The following DPP3 variants were observed in gnomAD, a reference collection of about 807,000 sequenced individuals.
DPP3 encodes the protein DPP III.
In DPP3, 64 loss-of-function variants were observed where a neutral mutation model predicts 89.8. The observed-to-expected ratio is 0.71, with a 90% CI of 0.58 to 0.88. The LOEUF (loss-of-function observed/expected upper bound fraction) is 0.88, where lower values mean the gene tolerates loss of function less well. DPP3 is among the 40% of genes least tolerant of loss of function. The pLI is 0.00. For missense variants in DPP3, 835 were observed against 972.5 expected (o/e 0.86, Z 1.88); for synonymous variants, 377 against 404.3 (o/e 0.93, Z 0.81).
At chr11:66,488,783 C>T (rs1238026557) in intron 6 of DPP3, among the ~76,000 whole-genome samples, 1 of 152,196 alleles carries the variant, frequency 6.6e-6, no homozygotes, top group Non-Finnish European at 1.5e-5. Context: ...ATCTCCACAT[C>T]CTCCCACTCA....
At chr11:66,482,821 C>T (rs1446195745) in intron 2 of DPP3, among the ~76,000 whole-genome samples, 1 of 152,194 alleles carries the variant, frequency 6.6e-6, no homozygotes, top group Non-Finnish European at 1.5e-5. Flanking sequence ...TCTTCTCTAC[C>T]ACACTGTGTG....
In DPP3 at chr11:66,491,353, G is replaced by A; in HGVS notation, c.768G>A (p.Gln256=). The change falls in exon 7 of 18, where the codon CAG becomes CAA. Residue 256 remains glutamine, a synonymous_variant. Transcript: ENST00000531863. ...VTRGDYAPIL[Q]KVVEQLEKAK... ...GGGGGGACTACGCGCCCATCCTCCA[G>A]AAGGTGGTGGAGCAGCTGGAGAAAG... is the stretch of plus-strand genomic sequence containing the variant. 6.2e-7 allele frequency: 1 copy of A among 1,614,006 alleles called. No individual in the cohort carries two copies. Among genetic ancestry groups the A allele is most frequent in the Non-Finnish European group, 8.5e-7 (1 of 1,179,990 alleles).
chr11:66,495,027 C>T (rs187810495), intron 12 of DPP3, among the ~76,000 whole-genome samples, 179 bp from the exon 13 acceptor site: 1 of 152,312 alleles, frequency 6.6e-6, no homozygotes, highest in African/African-American at 2.4e-5. Context: ...AGGAGGCAGC[C>T]AGCGTCACAG....
At chr11:66,481,989 T>C (rs1565264605) in intron 1 of DPP3, 3 of 686,900 alleles carry the variant, frequency 4.4e-6, no homozygotes, top group Non-Finnish European at 7.2e-6. Context: ...AGACCAAATA[T>C]GGTCCACCAG....
Position 66,491,633 on chromosome 11 carries a change from C to T in DPP3, c.929+9C>T, listed in dbSNP as rs370354834. 47 of 1,611,420 alleles carry T rather than the reference C, an allele frequency of 2.9e-5. No individual in the cohort carries two copies. Among genetic ancestry groups the T allele is most frequent in the Non-Finnish European group, 3.7e-5 (44 of 1,178,008 alleles). On this transcript the variant is annotated intron_variant, in intron 8 of 17. Coordinates refer to ENST00000531863, the MANE Select transcript of DPP3 (RefSeq NM_130443.4). ...GGCCCCATCGTGGAGAGGTGAGGCG[C>T]CAGCTCCACCCCACCTGCCCCCTCC...
chr11:66,493,698 C>T, intron 12 of DPP3, 65 bp downstream of exon 12: 1 of 1,503,012 alleles, frequency 6.7e-7, no homozygotes, highest in Non-Finnish European at 9.0e-7. Context: ...ACCTGCCCTA[C>T]CCAGCGGTGA....
intron 4 of DPP3, 125 bp downstream of exon 4, chr11:66,486,802 T>C: frequency 8.5e-7 from 1 of 1,180,680 alleles, no homozygotes; most frequent in South Asian, 2.0e-5. Context: ...GAGGCAATGC[T>C]GCTCCCCACT....
chr11:66,486,149 C>A (rs538998651), intron 3 of DPP3, among the ~76,000 whole-genome samples: 1 of 152,184 alleles, frequency 6.6e-6, no homozygotes, highest in Admixed American at 6.5e-5. Context: ...CACTGTGTTA[C>A]CCAAGCTGGT....
chr11:66,491,124 G>A, intron 6 of DPP3, 129 bp from the exon 7 acceptor site: 10 of 1,381,908 alleles, frequency 7.2e-6, no homozygotes, highest in Non-Finnish European at 9.0e-6. Flanking sequence ...GCTACAGGGA[G>A]CCATTGAAAA....
intron 15 of DPP3, among the ~76,000 whole-genome samples, 167 bp downstream of exon 15, chr11:66,495,917 T>C (rs1855524967): frequency 6.6e-6 from 1 of 152,156 alleles, no homozygotes; most frequent in Admixed American, 6.5e-5. Flanking sequence ...GCCCCAGAGT[T>C]CCTCTCTGTG....
intron 17 of DPP3, among the ~76,000 whole-genome samples, chr11:66,508,208 G>C (rs961375057): frequency 2.0e-5 from 3 of 152,226 alleles, no homozygotes; most frequent in Admixed American, 1.3e-4. Flanking sequence ...GGGTAGAGCA[G>C]TTGAAGTGTG....
intron 6 of DPP3, among the ~76,000 whole-genome samples, chr11:66,489,701 C>T (rs1020470560): frequency 4.6e-5 from 7 of 152,318 alleles, no homozygotes; most frequent in African/African-American, 9.6e-5. Flanking sequence ...TAGGAACAGC[C>T]GGTCGCTGGG....
intron 6 of DPP3, among the ~76,000 whole-genome samples, chr11:66,488,959 G>A (rs1855306857): frequency 6.6e-6 from 1 of 152,118 alleles, no homozygotes; most frequent in South Asian, 2.1e-4. Flanking sequence ...TCTGCCTCCC[G>A]GGTTCAAGCA....
At chr11:66,488,097 A>G (rs1199348661) in intron 6 of DPP3, 90 bp downstream of exon 6, 1 of 1,106,788 alleles carries the variant, frequency 9.0e-7, no homozygotes, top group East Asian at 2.5e-5. Flanking sequence ...CCACTCCTTC[A>G]GAAAGAGCAT....
chr11:66,498,133 G>A (rs1477896667), intron 16 of DPP3, among the ~76,000 whole-genome samples: 4 of 150,258 alleles, frequency 2.7e-5, no homozygotes, highest in East Asian at 2.0e-4. Flanking sequence ...TCGCTCTGTC[G>A]CCCAGGCTGG....
At chr11:66,487,018 G>A (rs1418419012) in intron 4 of DPP3, among the ~76,000 whole-genome samples, 2 of 152,206 alleles carry the variant, frequency 1.3e-5, no homozygotes, top group Non-Finnish European at 2.9e-5. Flanking sequence ...GGCCACATCC[G>A]TTGCATGGGA....
chr11:66,488,215 GTC>G (rs994793807), intron 6 of DPP3, among the ~76,000 whole-genome samples: 7 of 152,220 alleles, frequency 4.6e-5, no homozygotes, highest in African/African-American at 1.4e-4. Context: ...CAAGGGACAG[GTC>G]TCTGATTGGC....
intron 17 of DPP3, among the ~76,000 whole-genome samples, chr11:66,506,284 C>T (rs1396045850): frequency 6.7e-6 from 1 of 148,820 alleles, no homozygotes; most frequent in Non-Finnish European, 1.5e-5. Context: ...GACGGAGTTT[C>T]CCTCTTGTTG....
intron 6 of DPP3, among the ~76,000 whole-genome samples, chr11:66,490,765 T>G (rs1855357973): frequency 7.1e-6 from 1 of 141,588 alleles, no homozygotes; most frequent in South Asian, 2.2e-4. Context: ...TTTGTTTTTT[T>G]TGTTTTGTTT....
Sources: allele counts gnomAD v4.1 joint callset (sites outside exome capture counted in the v4.1 genomes callset), GRCh38; gene constraint gnomAD v4.1.1; transcripts MANE v1.5; gene names NCBI Gene and HGNC (gene_info 2026-07-23, HGNC 2026-07-21).